The following EXOC4 variants were observed in gnomAD, a reference collection of about 807,000 sequenced individuals.
EXOC4 encodes exocyst complex component 4.
Under a neutral mutation model 107.2 loss-of-function variants are expected in EXOC4, and 71 were observed. That is an observed-to-expected ratio of 0.66 (90% CI 0.55 to 0.81). EXOC4 has a LOEUF of 0.81. Ranked by LOEUF, EXOC4 falls within the 30% of genes least tolerant of loss-of-function variation. EXOC4 has a pLI of 0.00. For missense variants in EXOC4, 1,108 were observed against 1,189.6 expected (o/e 0.93, Z 1.01); for synonymous variants, 456 against 441.2 (o/e 1.03, Z -0.42).
chr7:133,485,281 A>G (rs1340733945), intron 9 of EXOC4, among the ~76,000 whole-genome samples: 2 of 151,758 alleles, frequency 1.3e-5, no homozygotes, highest in African/African-American at 4.8e-5. Context: ...TGGTAGACTT[A>G]ATATTAGCTT....
In EXOC4 at chr7:133,402,334, T is replaced by A. The variant is rs543084364; in HGVS notation, c.1182+27332T>A. On this transcript the variant is annotated intron_variant, in intron 7 of 17. Transcript: ENST00000253861. The stretch of plus-strand genomic sequence containing the variant: ...ACAGGTATGAAGTCAGCAGTGCTTA[T>A]GTTTTCATTTTATCTATCGGGAATA... 1.8e-4 allele frequency among the ~76,000 whole-genome samples: 28 copies of A among 152,326 alleles called. No individual in the cohort carries two copies. The South Asian group carries it at 5.8e-3, about 32-fold the overall frequency.
At chr7:133,795,165 A>C (rs1235377601) in intron 10 of EXOC4, among the ~76,000 whole-genome samples, 6 of 152,208 alleles carry the variant, frequency 3.9e-5, no homozygotes, top group Admixed American at 6.5e-5. Flanking sequence ...AAATGATGAC[A>C]CTTGGAAAAG....
At chr7:133,381,929 T>C (rs1050509695) in intron 7 of EXOC4, among the ~76,000 whole-genome samples, 11 of 152,136 alleles carry the variant, frequency 7.2e-5, no homozygotes, top group Non-Finnish European at 1.3e-4. Flanking sequence ...AAAATGCAGA[T>C]TTGTATCCCC....
At chr7:133,591,447 C>T (rs994371335) in intron 9 of EXOC4, among the ~76,000 whole-genome samples, 1 of 152,100 alleles carries the variant, frequency 6.6e-6, no homozygotes, top group African/African-American at 2.4e-5. Context: ...AAACTAGATC[C>T]TGTTCAGGCA....
chr7:133,982,429 G>A (rs1794009526), intron 14 of EXOC4, among the ~76,000 whole-genome samples: 1 of 152,148 alleles, frequency 6.6e-6, no homozygotes, highest in African/African-American at 2.4e-5. Context: ...GCGGGTGCTT[G>A]TAGTCCCAGC....
At chr7:133,465,106 C>T (rs1433176748) in intron 7 of EXOC4, among the ~76,000 whole-genome samples, 2 of 151,860 alleles carry the variant, frequency 1.3e-5, no homozygotes, top group Non-Finnish European at 2.9e-5. Flanking sequence ...AGGCATGTGC[C>T]ACTGCACCCA....
At chr7:134,028,246 T>C (rs1795189137) in intron 17 of EXOC4, among the ~76,000 whole-genome samples, 1 of 152,242 alleles carries the variant, frequency 6.6e-6, no homozygotes, top group Non-Finnish European at 1.5e-5. Context: ...ATGATAATTA[T>C]GACTTCTGTT....
chr7:133,595,536 A>T (rs1801647599), intron 9 of EXOC4, among the ~76,000 whole-genome samples: 1 of 152,126 alleles, frequency 6.6e-6, no homozygotes, highest in Non-Finnish European at 1.5e-5. Flanking sequence ...TCAGAAAAAC[A>T]TTTTTTAGTT....
chr7:133,472,618 G>A (rs1045310152), intron 7 of EXOC4, among the ~76,000 whole-genome samples: 1 of 152,172 alleles, frequency 6.6e-6, no homozygotes, highest in African/African-American at 2.4e-5. Context: ...GGAGAGAAAT[G>A]AGGAATAAAT....
intron 9 of EXOC4, among the ~76,000 whole-genome samples, chr7:133,493,765 T>G (rs960994862): frequency 6.6e-6 from 1 of 152,152 alleles, no homozygotes; most frequent in African/African-American, 2.4e-5. Flanking sequence ...TGACATCCAT[T>G]TTGAGAATGT....
chr7:134,035,019 G>A (rs1795355335), intron 17 of EXOC4, among the ~76,000 whole-genome samples: 2 of 150,634 alleles, frequency 1.3e-5, no homozygotes, highest in South Asian at 4.2e-4. Context: ...GAGATAAAAA[G>A]GTTTTTTTTC....
intron 7 of EXOC4, among the ~76,000 whole-genome samples, chr7:133,441,658 G>C (rs570051476): frequency 6.6e-6 from 1 of 152,142 alleles, no homozygotes. Context: ...CTCCCAAAGT[G>C]CTGGGATTAC....
intron 11 of EXOC4, 50 bp from the exon 12 acceptor site, chr7:133,895,549 A>G (rs1585230075): frequency 1.3e-6 from 2 of 1,588,006 alleles, no homozygotes; most frequent in Non-Finnish European, 1.7e-6. Context: ...TCCTTGTCCA[A>G]CACATTGACT....
Position 133,275,125 on chromosome 7 carries a change from A to G in EXOC4, c.230A>G (p.Gln77Arg), listed in dbSNP as rs780930711. 2 of 1,608,606 alleles carry G rather than the reference A, an allele frequency of 1.2e-6. No homozygotes were observed. The highest frequency in any genetic ancestry group is 1.7e-6 in the Non-Finnish European group (2 of 1,177,612). The change falls in exon 2 of 18, where the codon CAG (glutamine) becomes CGG (arginine). Residue 77 changes from glutamine (Q) to arginine (R), a missense_variant. Coordinates refer to ENST00000253861, the MANE Select transcript of EXOC4 (RefSeq NM_021807.4). Reference sequence around the variant, plus strand: ...TTGACGACAGCCATTCGCACATACCAGAGCATCACAGAGCGCATCACTAAC... The same window carrying G: ...TTGACGACAGCCATTCGCACATACCGGAGCATCACAGAGCGCATCACTAAC... ...TELTTAIRTY[Q>R]SITERITNSR...
chr7:133,992,944 A>G (rs1794297363), intron 14 of EXOC4, among the ~76,000 whole-genome samples: 1 of 151,564 alleles, frequency 6.6e-6, no homozygotes, highest in South Asian at 2.1e-4. Context: ...GTTTCTTGAG[A>G]GTTTTGATCA....
intron 8 of EXOC4, 54 bp from the exon 9 acceptor site, chr7:133,479,996 C>T: frequency 7.3e-7 from 1 of 1,376,082 alleles, no homozygotes; most frequent in Non-Finnish European, 1.0e-6. Context: ...CAGAGCTGGT[C>T]AGCACTTAAT....
At chr7:133,811,239 G>T (rs1184959142) in intron 10 of EXOC4, among the ~76,000 whole-genome samples, 3 of 152,102 alleles carry the variant, frequency 2.0e-5, no homozygotes, top group Non-Finnish European at 4.4e-5. Context: ...TTTTGACAGG[G>T]CTCCATCTGT....
intron 10 of EXOC4, among the ~76,000 whole-genome samples, chr7:133,745,022 A>G (rs986508820): frequency 1.3e-5 from 2 of 152,168 alleles, no homozygotes; most frequent in Non-Finnish European, 2.9e-5. Flanking sequence ...TGGATCAGCA[A>G]TGTCTAGAAA....
At chr7:133,811,848 G>A (rs960070839) in intron 10 of EXOC4, among the ~76,000 whole-genome samples, 2 of 152,218 alleles carry the variant, frequency 1.3e-5, no homozygotes, top group Admixed American at 1.3e-4. Context: ...TTACATGCCA[G>A]ATAGATTATG....
Sources: gnomAD v4.1 joint callset for allele counts (sites outside exome capture counted in the v4.1 genomes callset) on GRCh38, gnomAD v4.1.1 for gene constraint, MANE v1.5 for transcripts, NCBI Gene and HGNC (gene_info 2026-07-23, HGNC 2026-07-21) for gene names.